DRC1: variants seen among roughly 807,000 people sequenced by gnomAD.
DRC1 encodes the protein dynein regulatory complex protein 1.
DRC1 carries 74 observed loss-of-function variants against 98.7 expected under a neutral mutation model. The ratio of observed to expected loss-of-function variants is 0.75; its 90% CI spans 0.62 to 0.91. The LOEUF is 0.91. Among genes scored for constraint, DRC1 ranks in the 40% least tolerant of loss-of-function variants. DRC1 has a pLI of 0.00. For missense variants in DRC1, 875 were observed against 886.0 expected, an observed-to-expected ratio of 0.99 and a Z score of 0.16; for synonymous variants, 336 against 334.1, an observed-to-expected ratio of 1.01 and a Z score of -0.06.
At chr2:26,432,306 G>A (rs1663457264) in intron 7 of DRC1, among the ~76,000 whole-genome samples, 1 of 152,090 alleles carries the variant, frequency 6.6e-6, no homozygotes. Context: ...AGACCAACCT[G>A]GGCAACATAG....
chr2:26,406,772 G>A (rs984644230), intron 1 of DRC1, among the ~76,000 whole-genome samples: 3 of 146,676 alleles, frequency 2.0e-5, no homozygotes, highest in Non-Finnish European at 4.5e-5. Context: ...AATCTCTGGT[G>A]TCTTAGTTTA....
chr2:26,421,894 A>G lies in DRC1; in HGVS notation c.356+494A>G, dbSNP rs561982190. 1.2e-4 allele frequency among the ~76,000 whole-genome samples: 18 copies of G among 152,158 alleles called. 1 individual carries two copies. In the South Asian group the frequency reaches 1.7e-3, roughly 14 times the overall value. ...CTTTTCTTTCCTCCCCTCCTCAAGC[A>G]CTACATTGCTGATACGTGCCAAGCT... On this transcript the variant is annotated intron_variant, in intron 3 of 16. Transcript: ENST00000288710.
At chr2:26,413,138 C>T (rs1031833750) in intron 1 of DRC1, among the ~76,000 whole-genome samples, 2 of 152,162 alleles carry the variant, frequency 1.3e-5, no homozygotes, top group Non-Finnish European at 2.9e-5. Flanking sequence ...CTAAAACTGG[C>T]TCCCTTTACT....
In DRC1 at chr2:26,444,798, G is replaced by A. The variant is rs779720693; in HGVS notation, c.1246G>A (p.Ala416Thr). The A allele has an allele frequency of 5.6e-6, 9 of 1,614,106 alleles. No individual in the cohort carries two copies. The Admixed American group carries it at 1.5e-4, about 27-fold the overall frequency. ...GGAGGCGAAGGACCTAATAGCCAGA[G>A]CCTTTGATGTGGACAGGATCATCCA... ...EEEAKDLIAR[A>T]FDVDRIIHTH... Residue 416 changes from alanine (A) to threonine (T), a missense_variant, in exon 10 of 17, where the codon GCC (alanine) becomes ACC (threonine). Ala to Thr is a moderately conservative substitution (Grantham distance 58). Transcript: ENST00000288710.
Position 26,454,162 on chromosome 2 carries a change from T to A in DRC1, c.1920-485T>A, listed in dbSNP as rs1313281718. On this transcript the variant is annotated intron_variant, in intron 14 of 16. Transcript: ENST00000288710. This position sits in a 1 kb window ranked among gnomAD's most constrained non-coding sequence, Gnocchi z 5.2. ...GGTGGGTGGGAGCCAGAAAAGGATTTGAAGCAGCCGAAGAGCCATGATTAG... is the reference window on the plus strand; with the variant it reads ...GGTGGGTGGGAGCCAGAAAAGGATTAGAAGCAGCCGAAGAGCCATGATTAG... Among the ~76,000 whole-genome samples the A allele has an allele frequency of 6.6e-6, 1 of 152,070 alleles. No homozygotes were observed. Among genetic ancestry groups the A allele is most frequent in the East Asian group, 1.9e-4 (1 of 5,182 alleles).
At chr2:26,453,792 T>C (rs1664071456) in intron 14 of DRC1, among the ~76,000 whole-genome samples, 1 of 152,212 alleles carries the variant, frequency 6.6e-6, no homozygotes, top group South Asian at 2.1e-4. Context: ...CACTGAAGGC[T>C]GCCATGTGTA....
chr2:26,439,905 G>GA (rs1663666306), intron 7 of DRC1, among the ~76,000 whole-genome samples: 1 of 31,634 alleles, frequency 3.2e-5, no homozygotes, highest in Non-Finnish European at 1.0e-4. Context: ...CCACAAGCTA[G>GA]GGCCAACTAG....
rs190139105 is a variant in DRC1 at position 26,414,392 on chromosome 2, T to C, written c.204T>C (p.Asp68=). ...ATGGGAAGAAGGAGAGTGAGGAGGA[T>C]CAAAGCAAGAGCTACAAACAGAAAG... The part of the protein sequence containing the change: ...YLDGKKESEE[D]QSKSYKQKEE... Residue 68 remains aspartate, a synonymous_variant, in exon 2 of 17, where the codon GAT becomes GAC. Transcript: ENST00000288710. The C allele has an allele frequency of 1.9e-6, 3 of 1,613,780 alleles. No individual in the cohort carries two copies. In the Admixed American group the frequency reaches 5.0e-5, roughly 27 times the overall value.
intron 1 of DRC1, among the ~76,000 whole-genome samples, chr2:26,406,034 G>T (rs1678415312): frequency 6.6e-6 from 1 of 152,106 alleles, no homozygotes; most frequent in Admixed American, 6.5e-5. Context: ...ATTTCAATGT[G>T]CTCTCAAAAC....
In DRC1 at chr2:26,448,849, C is replaced by A. The variant is rs765778613; in HGVS notation, c.1509+46C>A. ...CAGCAGAGGGACTCACGGGGGTGTG[C>A]AGGTTCTGAGGCCTCTGCTGGGCCA... On this transcript the variant is annotated intron_variant, in intron 11 of 16. Coordinates refer to ENST00000288710, the MANE Select transcript of DRC1 (RefSeq NM_145038.5). 7.5e-6 allele frequency: 12 copies of A among 1,593,460 alleles called. No homozygotes were observed. In the East Asian group the frequency reaches 2.2e-4, roughly 30 times the overall value.
intron 2 of DRC1, among the ~76,000 whole-genome samples, chr2:26,418,651 TA>T (rs1678921756): frequency 6.6e-5 from 6 of 91,448 alleles, no homozygotes; most frequent in Non-Finnish European, 1.2e-4. Context: ...ATATAATATA[TA>T]AATTATATAT....
At chr2:26,453,701 C>A in intron 14 of DRC1, 152 bp downstream of exon 14, 1 of 723,032 alleles carries the variant, frequency 1.4e-6, no homozygotes, top group Non-Finnish European at 2.3e-6. Flanking sequence ...CTGGGGCAAC[C>A]AATCGCTGGA....
chr2:26,448,401 G>A (rs1485111135), intron 10 of DRC1: 3 of 572,718 alleles, frequency 5.2e-6, no homozygotes. Context: ...GTTCATGGCT[G>A]GATTTTGAGT....
intron 6 of DRC1, among the ~76,000 whole-genome samples, chr2:26,431,404 G>C (rs1344234547): frequency 6.6e-6 from 1 of 152,070 alleles, no homozygotes; most frequent in Non-Finnish European, 1.5e-5. Flanking sequence ...TTTTCCGTGG[G>C]CCCGTCACTT....
chr2:26,406,572 T>A (rs10179651), intron 1 of DRC1, among the ~76,000 whole-genome samples: 1,982 of 152,166 alleles, frequency 0.013, 13 homozygotes, highest in Non-Finnish European at 0.022. Context: ...TTAGCCTGGC[T>A]TGGTGGCACA....
rs539161150 is a variant in DRC1 at position 26,424,670 on chromosome 2, G to C, written c.540+216G>C. On this transcript the variant is annotated intron_variant, in intron 4 of 16. Coordinates refer to ENST00000288710, the MANE Select transcript of DRC1 (RefSeq NM_145038.5). ...ACCATTTTAAAGTGTATAGTTCATG[G>C]GCTGGATGAGGTGGTTCACTCCCAT... 2.6e-5 allele frequency among the ~76,000 whole-genome samples: 4 copies of C among 152,252 alleles called. No homozygotes were observed. In the East Asian group the frequency reaches 7.7e-4, roughly 29 times the overall value.
At chr2:26,415,935 C>CAA (rs59566642) in intron 2 of DRC1, among the ~76,000 whole-genome samples, 37 of 98,344 alleles carry the variant, frequency 3.8e-4, no homozygotes, top group African/African-American at 5.2e-4. Context: ...CTTTCTCTTT[C>CAA]AAAAAAAAAA....
chr2:26,441,700 G>C (rs1394487970), intron 8 of DRC1, among the ~76,000 whole-genome samples: 1 of 152,170 alleles, frequency 6.6e-6, no homozygotes, highest in African/African-American at 2.4e-5. Flanking sequence ...AAGTCACACA[G>C]TGGGTGAAGA....
At chr2:26,430,483 C>T (rs1294318354) in intron 5 of DRC1, 4 of 513,950 alleles carry the variant, frequency 7.8e-6, no homozygotes, top group Admixed American at 2.3e-5. Context: ...CCATGGCCTG[C>T]CGTGTGACTG....
Sources: allele counts gnomAD v4.1 joint callset (sites outside exome capture counted in the v4.1 genomes callset), GRCh38; gene constraint gnomAD v4.1.1; non-coding constraint Gnocchi (gnomAD v3.1); transcripts MANE v1.5; gene names NCBI Gene and HGNC (gene_info 2026-07-23, HGNC 2026-07-21).